GSTA2: variants seen among roughly 807,000 people sequenced by gnomAD.
GSTA2 encodes glutathione S-transferase alpha 2, also known as glutathione S-transferase A2.
Under a neutral mutation model 22.4 loss-of-function variants are expected in GSTA2, and 27 were observed. The observed-to-expected ratio is 1.21, with a 90% confidence interval of 0.89 to 1.67. GSTA2 has a LOEUF of 1.67. Among genes scored for constraint, GSTA2 ranks in the 40% most tolerant of loss-of-function variants. GSTA2 has a pLI of 0.00. For missense variants in GSTA2, 302 were observed against 260.2 expected (o/e 1.16, Z -1.11); for synonymous variants, 121 against 86.8 (o/e 1.39, Z -2.19).
chr6:52,753,332 T>C (rs1018995301), intron 4 of GSTA2, among the ~76,000 whole-genome samples: 1 of 152,212 alleles, frequency 6.6e-6, no homozygotes, highest in Non-Finnish European at 1.5e-5. Context: ...CCACTGATGC[T>C]GTGCCAGGAT....
chr6:52,752,692 C>T (rs1762765177), intron 5 of GSTA2, among the ~76,000 whole-genome samples, 162 bp downstream of exon 5: 1 of 152,188 alleles, frequency 6.6e-6, no homozygotes, highest in Non-Finnish European at 1.5e-5. Context: ...ACAATTGTTT[C>T]TCCAAGTCTA....
At chr6:52,751,877 G>A (rs545414623) in intron 5 of GSTA2, among the ~76,000 whole-genome samples, 169 bp from the exon 6 acceptor site, 82 of 152,352 alleles carry the variant, frequency 5.4e-4, no homozygotes, top group African/African-American at 1.8e-3. Context: ...ATAGTAAGAA[G>A]TGTAACTGTA....
intron 2 of GSTA2, among the ~76,000 whole-genome samples, chr6:52,757,304 G>T (rs1762862271): frequency 8.2e-6 from 1 of 121,880 alleles, no homozygotes; most frequent in African/African-American, 3.3e-5. Context: ...AAACAGAAAA[G>T]CATAATGATT....
chr6:52,756,360 C>A, intron 2 of GSTA2, 51 bp from the exon 3 acceptor site: 1 of 1,412,628 alleles, frequency 7.1e-7, no homozygotes, highest in South Asian at 1.2e-5. Flanking sequence ...CTATTATAGA[C>A]CTGTGAAATT....
intron 6 of GSTA2, 96 bp from the exon 7 acceptor site, chr6:52,750,795 G>A: frequency 6.7e-7 from 1 of 1,482,996 alleles, no homozygotes; most frequent in Non-Finnish European, 9.1e-7. Context: ...TCCTGCCAAA[G>A]ACCAAGTGAG....
chr6:52,758,266 G>A (rs905679452), intron 1 of GSTA2, among the ~76,000 whole-genome samples: 1 of 152,138 alleles, frequency 6.6e-6, no homozygotes, highest in African/African-American at 2.4e-5. Flanking sequence ...GGAGTTAATG[G>A]GAAGAGGAAG....
At chr6:52,752,822 A>G in intron 5 of GSTA2, 32 bp downstream of exon 5, 2 of 1,612,680 alleles carry the variant, frequency 1.2e-6, no homozygotes. Context: ...TTCTAAACTC[A>G]GTTCCCCAAA....
At chr6:52,758,053 A>G in intron 1 of GSTA2, 76 bp from the exon 2 acceptor site, 1 of 859,024 alleles carries the variant, frequency 1.2e-6, no homozygotes, top group Non-Finnish European at 1.9e-6. Flanking sequence ...TGTATGGTTG[A>G]AAACCACAAA....
intron 3 of GSTA2, 46 bp from the exon 4 acceptor site, chr6:52,755,121 C>T: frequency 6.3e-7 from 1 of 1,596,350 alleles, no homozygotes; most frequent in Non-Finnish European, 8.5e-7. Flanking sequence ...CTATGAAACC[C>T]ACCATTTCAG....
At chr6:52,751,519 C>T in intron 6 of GSTA2, 58 bp downstream of exon 6, 5 of 1,611,408 alleles carry the variant, frequency 3.1e-6, no homozygotes, top group Non-Finnish European at 4.2e-6. Flanking sequence ...GGCCCAGATA[C>T]AAGATCCCAA....
intron 1 of GSTA2, among the ~76,000 whole-genome samples, chr6:52,760,634 C>G (rs769791571): frequency 6.6e-4 from 101 of 152,172 alleles, no homozygotes; most frequent in Admixed American, 1.4e-3. Context: ...AGGTCCGGAG[C>G]TTTTCCACTC....
intron 6 of GSTA2, 132 bp downstream of exon 6, chr6:52,751,445 T>G: frequency 6.4e-7 from 1 of 1,551,982 alleles, no homozygotes; most frequent in Non-Finnish European, 8.7e-7. Flanking sequence ...TGGAAGCTCA[T>G]TTTGGAGACC....
At chr6:52,753,331 C>T (rs765908767) in intron 4 of GSTA2, among the ~76,000 whole-genome samples, 1 of 152,154 alleles carries the variant, frequency 6.6e-6, no homozygotes, top group Non-Finnish European at 1.5e-5. Flanking sequence ...CCCACTGATG[C>T]TGTGCCAGGA....
rs1561898261 is a variant in GSTA2, at chr6:52,761,464, T to TCTATA, written c.-31+1979_-31+1980insTATAG. ...TATCCATTTCTCTGGTTCTCTATATTTTGTCCGTAGAACTCTAGTAGGAAT... is the reference window on the plus strand; with the variant it reads ...TATCCATTTCTCTGGTTCTCTATATTCTATATTGTCCGTAGAACTCTAGTAGGAAT... On this transcript the variant is annotated intron_variant, in intron 1 of 6. Coordinates refer to ENST00000493422, the MANE Select transcript of GSTA2 (RefSeq NM_000846.5). Among the ~76,000 whole-genome samples, 432 of 151,064 alleles carry TCTATA rather than the reference T, an allele frequency of 2.9e-3. 40 individuals are homozygous for TCTATA. The highest frequency in any genetic ancestry group is 0.027 in the Admixed American group (383 of 14,144).
intron 2 of GSTA2, among the ~76,000 whole-genome samples, chr6:52,757,500 A>G (rs1762865672): frequency 6.6e-6 from 1 of 151,930 alleles, no homozygotes; most frequent in African/African-American, 2.4e-5. Context: ...GCCATAGTAC[A>G]TTATCACACA....
chr6:52,753,037 T>C (rs1762774980), intron 4 of GSTA2, 42 bp from the exon 5 acceptor site: 1 of 1,549,256 alleles, frequency 6.5e-7, no homozygotes, highest in Non-Finnish European at 8.7e-7. Context: ...ATCTTTTGCC[T>C]TAGATTTTAT....
rs112382710 is a variant in GSTA2, at chr6:52,752,631, G to A, written c.414+223C>T. 6.8e-4 allele frequency among the ~76,000 whole-genome samples: 103 copies of A among 152,280 alleles called. 1 individual carries two copies. The highest frequency in any genetic ancestry group is 2.4e-3 in the African/African-American group (98 of 41,544). ...GTTGAACAGATAATTCCATATTGGG[G>A]TTCAGTAAATTAAAATTTTACTGGA... On this transcript the variant is annotated intron_variant, in intron 5 of 6. Coordinates refer to ENST00000493422, the MANE Select transcript of GSTA2 (RefSeq NM_000846.5).
intron 6 of GSTA2, 52 bp from the exon 7 acceptor site, chr6:52,750,751 C>A (rs376307764): frequency 1.3e-5 from 21 of 1,600,228 alleles, no homozygotes; most frequent in African/African-American, 1.1e-4. Context: ...AGGGCTGACA[C>A]CCCCATTAAC....
chr6:52,754,652 A>T (rs71555513), intron 4 of GSTA2, among the ~76,000 whole-genome samples: 3,048 of 152,252 alleles, frequency 0.02, 49 homozygotes, highest in Non-Finnish European at 0.027. Flanking sequence ...GCACCTGGAA[A>T]CATGATTCCC....
Sources: allele counts gnomAD v4.1 joint callset (sites outside exome capture counted in the v4.1 genomes callset), GRCh38; gene constraint gnomAD v4.1.1; transcripts MANE v1.5; gene names NCBI Gene and HGNC (gene_info 2026-07-23, HGNC 2026-07-21).